The following RINT1 variants were observed in gnomAD, a reference collection of about 807,000 sequenced individuals.
The protein encoded by RINT1 is RAD50-interacting protein 1.
Under a neutral mutation model 97.7 loss-of-function variants are expected in RINT1, and 75 were observed. The ratio of observed to expected loss-of-function variants is 0.77; its 90% CI spans 0.64 to 0.93. The LOEUF is 0.93. Ranked by LOEUF, RINT1 falls within the 40% of genes least tolerant of loss-of-function variation. RINT1 has a pLI of 0.00. For synonymous variants in RINT1, 303 were observed against 326.3 expected (o/e 0.93, Z 0.77); for missense variants, 892 against 925.2 (o/e 0.96, Z 0.47).
At chr7:105,542,707 G>A in intron 4 of RINT1, 58 bp downstream of exon 4, 1 of 1,552,868 alleles carries the variant, frequency 6.4e-7, no homozygotes. Context: ...TTCTGTCTTA[G>A]AGAGTACATG....
intron 2 of RINT1, among the ~76,000 whole-genome samples, chr7:105,534,313 C>T (rs975754723): frequency 3.4e-4 from 51 of 152,236 alleles, no homozygotes; most frequent in African/African-American, 1.2e-3. Flanking sequence ...AGGCAATCCA[C>T]CGTCCTCGGC....
chr7:105,554,427 A>AT (rs894132517), intron 10 of RINT1, among the ~76,000 whole-genome samples: 5 of 142,498 alleles, frequency 3.5e-5, no homozygotes, highest in East Asian at 2.0e-4. Flanking sequence ...AGAAACTGTC[A>AT]TTTTTTTTTC....
intron 2 of RINT1, among the ~76,000 whole-genome samples, chr7:105,535,995 G>A (rs1168860150): frequency 6.6e-5 from 10 of 152,156 alleles, no homozygotes; most frequent in Non-Finnish European, 1.5e-4. Context: ...ACTTCCCTCA[G>A]CTCTTAAGCA....
rs113836877 is a variant in RINT1, at chr7:105,537,802, C to G, written c.273+1053C>G. ...TGTGAGCTGAGATCATGCCATCGCA[C>G]TCCAGCCGGGGCAACAAAAGTGACA... On this transcript the variant is annotated intron_variant, in intron 3 of 14. Transcript: ENST00000257700. 7.0e-3 allele frequency among the ~76,000 whole-genome samples: 1,061 copies of G among 151,988 alleles called. 8 individuals carry two copies. Among genetic ancestry groups the G allele is most frequent in the Non-Finnish European group, 0.01 (697 of 67,970 alleles).
At chr7:105,541,204 G>A (rs1281572181) in intron 3 of RINT1, among the ~76,000 whole-genome samples, 2 of 151,392 alleles carry the variant, frequency 1.3e-5, no homozygotes, top group African/African-American at 2.4e-5. Flanking sequence ...GTGCGGTGGT[G>A]CAGTCTCAGC....
In RINT1 at chr7:105,555,163, A is replaced by G; in HGVS notation, c.1607A>G (p.Tyr536Cys). 6.2e-7 allele frequency: 1 copy of G among 1,614,102 alleles called. No individual in the cohort carries two copies. Among genetic ancestry groups the G allele is most frequent in the South Asian group, 1.1e-5 (1 of 91,084 alleles). ...ACTAGAGCTTCCCTTGGCTTTCGAT[A>G]CTGTGCAATTCTTAATGCTGTGAAC... ...EETRASLGFR[Y>C]CAILNAVNYI... The change falls in exon 11 of 15, where the codon TAC becomes TGC. Residue 536 changes from tyrosine to cysteine, a missense_variant. Physicochemically the swap from Tyr to Cys is radical, Grantham distance 194. Coordinates refer to ENST00000257700, the MANE Select transcript of RINT1 (RefSeq NM_021930.6).
intron 3 of RINT1, chr7:105,541,524 T>A (rs1173560506): frequency 6.7e-6 from 1 of 149,058 alleles, no homozygotes; most frequent in Non-Finnish European, 1.5e-5. Flanking sequence ...ATGCCTGTAA[T>A]CCCAGCACTC....
At chr7:105,541,883 A>G (rs2133371379) in intron 3 of RINT1, 1 of 152,276 alleles carries the variant, frequency 6.6e-6, no homozygotes, top group Middle Eastern at 3.4e-3. Context: ...CTCTACATGT[A>G]TGTGTATATG....
chr7:105,537,956 C>G (rs907933984), intron 3 of RINT1, among the ~76,000 whole-genome samples: 11 of 151,982 alleles, frequency 7.2e-5, no homozygotes, highest in Non-Finnish European at 1.2e-4. Context: ...AAGTAGGCCC[C>G]TCTACTTGGC....
In RINT1 at chr7:105,542,400, A is replaced by G; in HGVS notation, c.274-8A>G. On this transcript the variant is annotated splice_polypyrimidine_tract_variant and splice_region_variant and intron_variant, in intron 3 of 14. Coordinates refer to ENST00000257700, the MANE Select transcript of RINT1 (RefSeq NM_021930.6). ...CTTTCTTTCTTTCTTTTTTAAAATTATGGTCAGGTACTTACAATTTCATCA... is the reference window on the plus strand; with the variant it reads ...CTTTCTTTCTTTCTTTTTTAAAATTGTGGTCAGGTACTTACAATTTCATCA... 2 of 1,551,478 alleles carry G rather than the reference A, an allele frequency of 1.3e-6. No homozygotes were observed. Among genetic ancestry groups the G allele is most frequent in the Non-Finnish European group, 1.8e-6 (2 of 1,140,372 alleles).
intron 11 of RINT1, among the ~76,000 whole-genome samples, chr7:105,557,882 A>G (rs1490190474): frequency 6.6e-6 from 1 of 152,228 alleles, no homozygotes; most frequent in African/African-American, 2.4e-5. Flanking sequence ...TCTGGGACTT[A>G]GTAATTAGTT....
Position 105,542,507 on chromosome 7 carries a change from A to G in RINT1, c.373A>G (p.Thr125Ala). Reference protein sequence around the residue: ...QFLNQFLEQETHLFSAINSHL... With the variant: ...QFLNQFLEQEAHLFSAINSHL... Reference sequence around the variant, plus strand: ...TCTTAATCAGTTTCTGGAGCAGGAAACTCATCTCTTCAGCGCCATTAACAG... The same window carrying G: ...TCTTAATCAGTTTCTGGAGCAGGAAGCTCATCTCTTCAGCGCCATTAACAG... The change falls in exon 4 of 15, where the codon ACT becomes GCT. Residue 125 changes from threonine to alanine, a missense_variant. Physicochemically the swap from Thr to Ala is moderately conservative, Grantham distance 58 (BLOSUM62 0). Transcript: ENST00000257700. 1.9e-6 allele frequency: 3 copies of G among 1,614,048 alleles called. No individual in the cohort carries two copies. Among genetic ancestry groups the G allele is most frequent in the South Asian group, 2.2e-5 (2 of 91,070 alleles).
chr7:105,546,640 G>A (rs1197734106), intron 4 of RINT1, among the ~76,000 whole-genome samples: 1 of 152,144 alleles, frequency 6.6e-6, no homozygotes, highest in Admixed American at 6.6e-5. Context: ...TTGGGAGGCC[G>A]AGGCGGTCGG....
rs1183399693 is a variant in RINT1 at position 105,532,365 on chromosome 7, G to C, written c.42+8G>C. ...GCCTCTCCTGCAGCCCCGGTGAGAC[G>C]GCCCTGGCGTCCCTGGGAGGGGACA... On this transcript the variant is annotated splice_region_variant and intron_variant, in intron 1 of 14. Transcript: ENST00000257700. The C allele has an allele frequency of 6.2e-7, 1 of 1,600,898 alleles. No individual in the cohort carries two copies. Among genetic ancestry groups the C allele is most frequent in the Admixed American group, 1.7e-5 (1 of 58,690 alleles).
intron 3 of RINT1, among the ~76,000 whole-genome samples, chr7:105,538,668 A>G (rs577042078): frequency 5.9e-5 from 9 of 152,130 alleles, no homozygotes; most frequent in African/African-American, 1.9e-4. Context: ...CATCTACCCA[A>G]CCTGTCCATT....
intron 9 of RINT1, among the ~76,000 whole-genome samples, chr7:105,550,866 T>C (rs1282704411): frequency 1.3e-5 from 2 of 152,116 alleles, no homozygotes; most frequent in Non-Finnish European, 2.9e-5. Flanking sequence ...GCGATTCTCC[T>C]GTCTCAGCCT....
At position 105,542,654 on chromosome 7, in the gene RINT1, A is replaced by T; in HGVS notation, c.515+5A>T. ...TTCACAAATTGAAGAACTAAGGTAA[A>T]ATGGGCCTCTTTGTTCTCACAATTA... On this transcript the variant is annotated splice_donor_5th_base_variant and intron_variant, in intron 4 of 14. Transcript: ENST00000257700. 6.2e-7 allele frequency: 1 copy of T among 1,612,174 alleles called. No individual in the cohort carries two copies. Among genetic ancestry groups the T allele is most frequent in the African/African-American group, 1.3e-5 (1 of 74,968 alleles).
intron 10 of RINT1, 40 bp from the exon 11 acceptor site, chr7:105,554,988 G>T: frequency 6.6e-7 from 1 of 1,524,640 alleles, no homozygotes; most frequent in South Asian, 1.1e-5. Flanking sequence ...ATCATAGATG[G>T]TACCAAAACC....
In RINT1 at chr7:105,565,346, G is replaced by A. The variant is rs746000896; in HGVS notation, c.1956G>A (p.Leu652=). 4.3e-6 allele frequency: 7 copies of A among 1,614,080 alleles called. No homozygotes were observed. ...TGTCCAGTTCGGCTTGCCCGTTGCTGCTGACGTTACGAGACCATTTACTTC... is the reference window on the plus strand; with the variant it reads ...TGTCCAGTTCGGCTTGCCCGTTGCTACTGACGTTACGAGACCATTTACTTC... The part of the protein sequence containing the change: ...MSLSSSACPL[L]LTLRDHLLQL... The change falls in exon 13 of 15, where the codon CTG becomes CTA. Residue 652 remains leucine, a synonymous_variant. Coordinates refer to ENST00000257700, the MANE Select transcript of RINT1 (RefSeq NM_021930.6).
Sources: allele counts gnomAD v4.1 joint callset (sites outside exome capture counted in the v4.1 genomes callset), GRCh38; gene constraint gnomAD v4.1.1; transcripts MANE v1.5; gene names NCBI Gene and HGNC (gene_info 2026-07-23, HGNC 2026-07-21).